Variants in ADAMTS16 observed in about 807,000 individuals in gnomAD.
The protein encoded by ADAMTS16 is ADAM metallopeptidase with thrombospondin type 1 motif 16.
Under a neutral mutation model 145.8 loss-of-function variants are expected in ADAMTS16, and 94 were observed. The ratio of observed to expected loss-of-function variants is 0.64; its 90% CI spans 0.55 to 0.77. The LOEUF is 0.77. ADAMTS16 is among the 30% of genes least tolerant of loss of function. ADAMTS16 has a pLI of 0.00. For synonymous variants in ADAMTS16, 659 were observed against 604.3 expected, an observed-to-expected ratio of 1.09 and a Z score of -1.33; for missense variants, 1,585 against 1,591.5, an observed-to-expected ratio of 1.00 and a Z score of 0.07.
Position 5,262,760 on chromosome 5 carries a change from CA to C in ADAMTS16, c.2769del (p.Val924TyrfsTer142). On this transcript the variant is annotated frameshift_variant, in exon 18 of 23. Coordinates refer to ENST00000274181, the MANE Select transcript of ADAMTS16 (RefSeq NM_139056.4). LOFTEE classifies it high-confidence loss of function. ...GACCTGTCACGGGGCTGGTGCCTTG[CA>C]AAGTATCTGCCTGTCCTCCCAGGTA... Reference protein sequence around the residue: ...TRPVTGLVPCKVSACPPSWSV... With the variant: ...TRPVTGLVPCXVSACPPSWSV... The C allele has an allele frequency of 6.2e-7, 1 of 1,614,204 alleles. No homozygotes were observed. The highest frequency in any genetic ancestry group is 8.5e-7 in the Non-Finnish European group (1 of 1,180,036).
intron 18 of ADAMTS16, among the ~76,000 whole-genome samples, chr5:5,291,544 G>A (rs1739316904): frequency 6.6e-6 from 1 of 152,220 alleles, no homozygotes; most frequent in Non-Finnish European, 1.5e-5. Context: ...TTGCGGAGGA[G>A]AGAATGGAGA....
intron 9 of ADAMTS16, among the ~76,000 whole-genome samples, chr5:5,205,668 C>T (rs369858612): frequency 6.6e-6 from 1 of 152,174 alleles, no homozygotes; most frequent in Non-Finnish European, 1.5e-5. Flanking sequence ...CTGATGTTTG[C>T]CTTTGCAATT....
intron 18 of ADAMTS16, among the ~76,000 whole-genome samples, chr5:5,278,800 T>C (rs1355028415): frequency 6.6e-6 from 1 of 152,182 alleles, no homozygotes; most frequent in East Asian, 1.9e-4. Context: ...TCTCTTTTTG[T>C]TTATTTATAG....
intron 17 of ADAMTS16, 148 bp from the exon 18 acceptor site, chr5:5,262,509 G>A (rs1183214126): frequency 3.9e-6 from 4 of 1,037,534 alleles, no homozygotes; most frequent in Non-Finnish European, 5.4e-6. Context: ...GAAAAGTGGA[G>A]TATTAATAGT....
At chr5:5,169,784 C>T (rs1348423089) in intron 3 of ADAMTS16, among the ~76,000 whole-genome samples, 5 of 152,174 alleles carry the variant, frequency 3.3e-5, no homozygotes, top group Non-Finnish European at 2.9e-5. Context: ...AGTTCCTGTT[C>T]TCGCCTGCTC....
rs112974481 is a variant in ADAMTS16, at chr5:5,305,394, CCA to C, written c.3187-1095_3187-1094del. On this transcript the variant is annotated intron_variant, in intron 20 of 22. Transcript: ENST00000274181. ...CACACCACACACACACAATCCCACA[CCA>C]CACACACACACACATCCCACACCAC... Among the ~76,000 whole-genome samples, 268 of 47,410 alleles carry C rather than the reference CCA, an allele frequency of 5.7e-3. 20 individuals carry two copies. Among genetic ancestry groups the C allele is most frequent in the Non-Finnish European group, 0.01 (223 of 21,456 alleles). 31.1% of individuals were successfully genotyped at this position (47,410 alleles called of 152,430 possible). A position where few individuals can be genotyped will look rare whatever the true frequency, so the allele number is the denominator to read the frequency against.
chr5:5,199,346 T>C (rs1411655384), intron 8 of ADAMTS16, among the ~76,000 whole-genome samples: 1 of 152,202 alleles, frequency 6.6e-6, no homozygotes, highest in African/African-American at 2.4e-5. Context: ...CTGCTGTAGC[T>C]TGAGATGTAC....
At chr5:5,237,816 T>C (rs1480713409) in intron 14 of ADAMTS16, among the ~76,000 whole-genome samples, 1 of 152,092 alleles carries the variant, frequency 6.6e-6, no homozygotes, top group African/African-American at 2.4e-5. Flanking sequence ...GAAGTGTTGG[T>C]GGCTAAAGGA....
At chr5:5,193,664 C>T (rs1244507623) in intron 8 of ADAMTS16, among the ~76,000 whole-genome samples, 2 of 152,188 alleles carry the variant, frequency 1.3e-5, no homozygotes, top group African/African-American at 4.8e-5. Flanking sequence ...CAGTGTCAAG[C>T]AAGTATCAGT....
intron 3 of ADAMTS16, among the ~76,000 whole-genome samples, chr5:5,169,047 T>C (rs1359894411): frequency 1.3e-5 from 2 of 151,990 alleles, no homozygotes; most frequent in Non-Finnish European, 2.9e-5. Flanking sequence ...CTAGATGTTT[T>C]GGGATTTGAT....
chr5:5,186,857 T>C (rs2126569373), intron 5 of ADAMTS16, among the ~76,000 whole-genome samples: 1 of 152,302 alleles, frequency 6.6e-6, no homozygotes, highest in East Asian at 1.9e-4. Context: ...TGCCAAAGTG[T>C]GTTTTTAAGA....
chr5:5,170,878 G>C (rs1735025621), intron 3 of ADAMTS16, among the ~76,000 whole-genome samples: 1 of 151,952 alleles, frequency 6.6e-6, no homozygotes, highest in African/African-American at 2.4e-5. Flanking sequence ...GGATCCCATT[G>C]GTCCATTTTT....
At chr5:5,261,617 C>T (rs1322272977) in intron 17 of ADAMTS16, among the ~76,000 whole-genome samples, 1 of 151,688 alleles carries the variant, frequency 6.6e-6, no homozygotes, top group Admixed American at 6.6e-5. Context: ...CTCCTGATAG[C>T]TGGGAATACA....
chr5:5,159,281 A>T (rs1478866333), intron 3 of ADAMTS16, among the ~76,000 whole-genome samples: 1 of 152,230 alleles, frequency 6.6e-6, no homozygotes, highest in Non-Finnish European at 1.5e-5. Context: ...GGAAAATATG[A>T]TGGAAAAACA....
At chr5:5,230,329 A>C (rs1302074722) in intron 11 of ADAMTS16, among the ~76,000 whole-genome samples, 1 of 152,232 alleles carries the variant, frequency 6.6e-6, no homozygotes, top group Non-Finnish European at 1.5e-5. Context: ...GTTAACTGAG[A>C]GAAAATAAAA....
intron 8 of ADAMTS16, among the ~76,000 whole-genome samples, 195 bp from the exon 9 acceptor site, chr5:5,199,937 G>C (rs1335978820): frequency 1.3e-5 from 2 of 152,182 alleles, no homozygotes; most frequent in Non-Finnish European, 2.9e-5. Flanking sequence ...TTGGTGGATG[G>C]TCCATTCTTC....
chr5:5,287,961 TC>T (rs1739164972), intron 18 of ADAMTS16, among the ~76,000 whole-genome samples: 1 of 151,836 alleles, frequency 6.6e-6, no homozygotes, highest in South Asian at 2.1e-4. Context: ...TGGAAAAAAA[TC>T]TCAGAAAAAC....
chr5:5,304,226 C>G (rs1053018798), intron 20 of ADAMTS16, among the ~76,000 whole-genome samples: 1 of 152,092 alleles, frequency 6.6e-6, no homozygotes, highest in Non-Finnish European at 1.5e-5. Flanking sequence ...GTTCTATTTG[C>G]GAAAGGAAAC....
At chr5:5,225,351 C>T (rs549272527) in intron 11 of ADAMTS16, among the ~76,000 whole-genome samples, 53 of 152,272 alleles carry the variant, frequency 3.5e-4, no homozygotes, top group African/African-American at 1.3e-3. Context: ...ACTGTAATCT[C>T]AGCACTTTGG....
Sources: allele counts gnomAD v4.1 joint callset (sites outside exome capture counted in the v4.1 genomes callset), GRCh38; gene constraint gnomAD v4.1.1; transcripts MANE v1.5; gene names NCBI Gene and HGNC (gene_info 2026-07-23, HGNC 2026-07-21).